Variants in TLN2 observed in about 807,000 individuals in gnomAD.
TLN2 encodes talin 2, also known as talin-2.
TLN2 carries 118 observed loss-of-function variants against 294.7 expected under a neutral mutation model. The ratio of observed to expected loss-of-function variants is 0.40; its 90% confidence interval spans 0.34 to 0.47. The LOEUF (loss-of-function observed/expected upper bound fraction) is 0.47, where lower values mean the gene tolerates loss of function less well. Ranked by LOEUF, TLN2 falls within the 20% of genes least tolerant of loss-of-function variation. The pLI, the probability that TLN2 is intolerant of heterozygous loss-of-function variation, is 0.84. For missense variants in TLN2, 3,083 were observed against 3,282.2 expected (o/e 0.94, Z 1.48); for synonymous variants, 1,431 against 1,304.5 (o/e 1.10, Z -2.09).
intron 1 of TLN2, among the ~76,000 whole-genome samples, chr15:62,393,267 G>A (rs1477789182): frequency 6.6e-6 from 1 of 152,140 alleles, no homozygotes; most frequent in East Asian, 1.9e-4. Context: ...TGGCATTGAT[G>A]TGGAGCTTCT....
intron 1 of TLN2, among the ~76,000 whole-genome samples, chr15:62,499,593 T>G (rs1411914179): frequency 6.6e-6 from 1 of 152,190 alleles, no homozygotes; most frequent in Non-Finnish European, 1.5e-5. Flanking sequence ...GTCCTTAAAT[T>G]AGCAAGGTTT....
At position 62,761,746 on chromosome 15, in the gene TLN2, T is replaced by C. The variant is rs991077503; in HGVS notation, c.4704T>C (p.Ile1568=). ...GTCGCATCGCCACCGCACCCTTGAT[T>C]GAAGCTGTGGAGAACCTGACAGCGT... ...NKCRIATAPL[I]EAVENLTAFA... Residue 1568 remains isoleucine (I), a synonymous_variant, in exon 38 of 59, where the codon ATT becomes ATC. Coordinates refer to ENST00000636159, the MANE Select transcript of TLN2 (RefSeq NM_015059.3). 4.3e-6 allele frequency: 7 copies of C among 1,614,042 alleles called. No individual in the cohort carries two copies. The Admixed American group carries it at 5.0e-5, about 12-fold the overall frequency.
At chr15:62,633,525 G>A (rs1359791622) in intron 3 of TLN2, among the ~76,000 whole-genome samples, 3 of 152,102 alleles carry the variant, frequency 2.0e-5, no homozygotes, top group South Asian at 2.1e-4. Context: ...GGCTGGTCTC[G>A]AACTCCTGGA....
rs2061867011 is a variant in TLN2 at position 62,750,451 on chromosome 15, C to G, written c.4169C>G (p.Ser1390Cys). The G allele has an allele frequency of 3.1e-6, 5 of 1,614,204 alleles. 1 individual carries two copies. The South Asian group carries it at 3.3e-5, about 11-fold the overall frequency. Residue 1390 changes from serine to cysteine, a missense_variant, in exon 34 of 59, where the codon TCT (serine) becomes TGT (cysteine). Transcript: ENST00000636159. ...CCTAATGAACCTGTTAGTGACCTCTCTTACTTTGACTGCATTGAGAGTGTG... is the reference window on the plus strand; with the variant it reads ...CCTAATGAACCTGTTAGTGACCTCTGTTACTTTGACTGCATTGAGAGTGTG... ...DNPNEPVSDL[S>C]YFDCIESVME...
At position 62,725,068 on chromosome 15, in the gene TLN2, C is replaced by T. The variant is rs143630932; in HGVS notation, c.3219C>T (p.Ala1073=). ...KNELQDAKMA[A]VESQLKPLPG... is the part of the protein sequence containing the mutation. ...AACTGCAGGATGCCAAGATGGCAGCCGTGGAGAGCCAGCTGAAGCCACTTC... is the reference window on the plus strand; with the variant it reads ...AACTGCAGGATGCCAAGATGGCAGCTGTGGAGAGCCAGCTGAAGCCACTTC... The change falls in exon 27 of 59, where the codon GCC becomes GCT. Residue 1073 remains alanine, a synonymous_variant. Transcript: ENST00000636159. The T allele has an allele frequency of 9.5e-4, 1,528 of 1,613,008 alleles. 6 individuals are homozygous for T. The East Asian group carries it at 0.015, about 16-fold the overall frequency.
intron 11 of TLN2, among the ~76,000 whole-genome samples, chr15:62,684,532 C>T (rs28548228): frequency 0.033 from 5,010 of 152,262 alleles, 272 homozygotes; most frequent in African/African-American, 0.11. Flanking sequence ...CCTCCTCAGA[C>T]ACCCAGGTAG....
Position 62,708,519 on chromosome 15 carries a change from T to C in TLN2, c.2190T>C (p.Ile730=). 1 of 1,613,628 alleles carries C rather than the reference T, an allele frequency of 6.2e-7. No homozygotes were observed. The highest frequency in any genetic ancestry group is 1.3e-5 in the African/African-American group (1 of 75,018). Residue 730 remains isoleucine, a synonymous_variant, in exon 21 of 59, where the codon ATT becomes ATC. Transcript: ENST00000636159. The part of the protein sequence containing the change: ...VACAKVVSPT[I]SSPVCQEQLI... Reference sequence around the variant, plus strand: ...CACTTCAGGTTGTGAGCCCCACTATTAGCTCCCCTGTGTGCCAGGAGCAGC... The same window carrying C: ...CACTTCAGGTTGTGAGCCCCACTATCAGCTCCCCTGTGTGCCAGGAGCAGC...
intron 1 of TLN2, among the ~76,000 whole-genome samples, chr15:62,478,111 A>G (rs2037883437): frequency 1.3e-5 from 2 of 152,070 alleles, no homozygotes; most frequent in African/African-American, 4.8e-5. Context: ...ACGTTCTTGT[A>G]ACTTAACCCT....
chr15:62,650,207 T>A, intron 5 of TLN2, 26 bp downstream of exon 5: 1 of 1,611,744 alleles, frequency 6.2e-7, no homozygotes, highest in Non-Finnish European at 8.5e-7. Flanking sequence ...CAGTGCTGTT[T>A]CTTCATCCCT....
intron 1 of TLN2, among the ~76,000 whole-genome samples, chr15:62,473,426 T>C (rs2037603455): frequency 6.6e-6 from 1 of 152,090 alleles, no homozygotes; most frequent in Non-Finnish European, 1.5e-5. Context: ...AAGAGTAACA[T>C]GAACATCTGC....
At chr15:62,669,622 A>C (rs1596597403) in intron 9 of TLN2, among the ~76,000 whole-genome samples, 2 of 152,162 alleles carry the variant, frequency 1.3e-5, no homozygotes, top group African/African-American at 4.8e-5. Flanking sequence ...TAATTAGGAA[A>C]ATTTCCAATC....
chr15:62,815,628 G>A (rs2067051040), intron 52 of TLN2, among the ~76,000 whole-genome samples: 1 of 152,170 alleles, frequency 6.6e-6, no homozygotes, highest in African/African-American at 2.4e-5. Flanking sequence ...ATATGCATGA[G>A]TTTATGGTGT....
intron 1 of TLN2, among the ~76,000 whole-genome samples, chr15:62,525,384 C>A (rs1266318930): frequency 6.6e-6 from 1 of 152,178 alleles, no homozygotes; most frequent in Non-Finnish European, 1.5e-5. Context: ...CAGATTTATG[C>A]AACTTGGTTC....
At chr15:62,723,916 A>G (rs1364082167) in intron 26 of TLN2, among the ~76,000 whole-genome samples, 1 of 151,192 alleles carries the variant, frequency 6.6e-6, no homozygotes, top group Admixed American at 6.6e-5. Flanking sequence ...TGGGAGGCCA[A>G]GGTGGGTGGA....
chr15:62,700,101 A>G (rs748902277), intron 16 of TLN2, among the ~76,000 whole-genome samples: 1 of 152,238 alleles, frequency 6.6e-6, no homozygotes, highest in African/African-American at 2.4e-5. Context: ...CCAGGTACCC[A>G]AAAACAATAA....
At chr15:62,543,485 C>T (rs915181992) in intron 1 of TLN2, among the ~76,000 whole-genome samples, 2 of 151,860 alleles carry the variant, frequency 1.3e-5, no homozygotes, top group African/African-American at 2.4e-5. Context: ...AGGCCAGACG[C>T]GCTGGCTCAC....
chr15:62,748,449 G>A lies in TLN2; in HGVS notation c.4119+5G>A, dbSNP rs758820311. On this transcript the variant is annotated splice_donor_5th_base_variant and intron_variant, in intron 33 of 58. Transcript: ENST00000636159. The stretch of plus-strand genomic sequence containing the variant: ...AATGCCCTGCGGGAGCTCGAGGTAG[G>A]TCCCTGGGAAGGCTGCTGAGGACTT... 2 of 1,611,688 alleles carry A rather than the reference G, an allele frequency of 1.2e-6. No individual in the cohort carries two copies. The highest frequency in any genetic ancestry group is 1.7e-6 in the Non-Finnish European group (2 of 1,178,388).
intron 50 of TLN2, among the ~76,000 whole-genome samples, chr15:62,802,987 T>A (rs759247934): frequency 6.6e-6 from 1 of 152,232 alleles, no homozygotes; most frequent in Non-Finnish European, 1.5e-5. Context: ...TTGTCAGATA[T>A]GTAGTTTGCA....
At chr15:62,646,574 C>T (rs1321248490) in intron 3 of TLN2, among the ~76,000 whole-genome samples, 6 of 152,224 alleles carry the variant, frequency 3.9e-5, no homozygotes, top group East Asian at 3.8e-4. Context: ...ACCCCAATCA[C>T]GTGAAGCTTC....
Sources: allele counts gnomAD v4.1 joint callset (sites outside exome capture counted in the v4.1 genomes callset), GRCh38; gene constraint gnomAD v4.1.1; transcripts MANE v1.5; gene names NCBI Gene and HGNC (gene_info 2026-07-23, HGNC 2026-07-21).